The following SGPP1 variants were observed in gnomAD, a reference collection of about 807,000 sequenced individuals.
The protein encoded by SGPP1 is hSPP1.
SGPP1 carries 21 observed loss-of-function variants against 33.0 expected under a neutral mutation model. That is an observed-to-expected ratio of 0.64 (90% confidence interval 0.45 to 0.92). SGPP1 has a LOEUF of 0.92. Among genes scored for constraint, SGPP1 ranks in the 40% least tolerant of loss-of-function variants. The probability of loss-of-function intolerance (pLI) is 0.00; values close to 1 mark genes in which losing one functional copy is unlikely to be tolerated. For missense variants in SGPP1, 543 were observed against 589.4 expected (o/e 0.92, Z 0.81); for synonymous variants, 239 against 241.2 (o/e 0.99, Z 0.08).
intron 2 of SGPP1, among the ~76,000 whole-genome samples, chr14:63,695,728 T>C (rs748302254): frequency 2.6e-5 from 4 of 152,048 alleles, no homozygotes; most frequent in Admixed American, 6.6e-5. Flanking sequence ...CTGGGCAGCA[T>C]AGCTAGACCC....
chr14:63,720,122 C>T (rs1308942503), intron 1 of SGPP1, among the ~76,000 whole-genome samples: 1 of 125,190 alleles, frequency 8.0e-6, no homozygotes, highest in South Asian at 2.5e-4. Flanking sequence ...GAGCCTGCAT[C>T]TCACAAAAAA....
intron 2 of SGPP1, among the ~76,000 whole-genome samples, chr14:63,697,732 A>G (rs1394530018): frequency 6.6e-6 from 1 of 152,232 alleles, no homozygotes; most frequent in Non-Finnish European, 1.5e-5. Flanking sequence ...TGAAGAATGA[A>G]TGGGATAGTT....
At chr14:63,697,711 A>G (rs560468785) in intron 2 of SGPP1, among the ~76,000 whole-genome samples, 11 of 152,358 alleles carry the variant, frequency 7.2e-5, no homozygotes, top group African/African-American at 1.7e-4. Context: ...AAGAATATCT[A>G]TAGTGAGTCT....
rs536875970 is a variant in SGPP1 at position 63,714,975 on chromosome 14, A to G, written c.684+12286T>C. On this transcript the variant is annotated intron_variant, in intron 1 of 2. Transcript: ENST00000247225. Reference sequence around the variant, plus strand: ...TGAGCTGAAGAGATCCTCCTGCCTCAGCCTCCTAAAGTGCTGGGATTACAG... The same window carrying G: ...TGAGCTGAAGAGATCCTCCTGCCTCGGCCTCCTAAAGTGCTGGGATTACAG... 4.7e-5 allele frequency among the ~76,000 whole-genome samples: 7 copies of G among 148,602 alleles called. No homozygotes were observed. The South Asian group carries it at 1.5e-3, about 32-fold the overall frequency.
intron 2 of SGPP1, among the ~76,000 whole-genome samples, chr14:63,697,739 A>C (rs1885214814): frequency 6.6e-6 from 1 of 152,242 alleles, no homozygotes; most frequent in African/African-American, 2.4e-5. Context: ...TGAATGGGAT[A>C]GTTAAGGTAA....
chr14:63,727,795 G>C lies in SGPP1; in HGVS notation c.150C>G (p.Ala50=), dbSNP rs1468547267. Reference sequence around the variant, plus strand: ...GCCGCCCTCGCAGTCGAGGGTCTCCGGCGAGAGGCGCCTCCGCTTTCTCAT... The same window carrying C: ...GCCGCCCTCGCAGTCGAGGGTCTCCCGCGAGAGGCGCCTCCGCTTTCTCAT... ...REDEKAEAPL[A]GDPRLRGRQP... Residue 50 remains alanine, a synonymous_variant, in exon 1 of 3, where the codon GCC becomes GCG. Coordinates refer to ENST00000247225, the MANE Select transcript of SGPP1 (RefSeq NM_030791.4). The C allele has an allele frequency of 1.3e-6, 2 of 1,505,298 alleles. No individual in the cohort carries two copies. The highest frequency in any genetic ancestry group is 1.8e-6 in the Non-Finnish European group (2 of 1,133,588). 93.2% of individuals were successfully genotyped at this position (1,505,298 alleles called of 1,614,324 possible).
intron 2 of SGPP1, among the ~76,000 whole-genome samples, chr14:63,688,460 G>A (rs1393831405): frequency 1.3e-5 from 2 of 151,906 alleles, no homozygotes; most frequent in East Asian, 3.9e-4. Context: ...GTGTAGACTT[G>A]ATAGAAGATG....
chr14:63,692,422 T>C lies in SGPP1; in HGVS notation c.775-5766A>G, dbSNP rs189373099. On this transcript the variant is annotated intron_variant, in intron 2 of 2. Coordinates refer to ENST00000247225, the MANE Select transcript of SGPP1 (RefSeq NM_030791.4). ...CATTTTGAGAATCAGAAATTAAATATTGGGAGTGAAGAGAAACTAAATGTT... is the reference window on the plus strand; with the variant it reads ...CATTTTGAGAATCAGAAATTAAATACTGGGAGTGAAGAGAAACTAAATGTT... 3.3e-3 allele frequency among the ~76,000 whole-genome samples: 499 copies of C among 152,220 alleles called. 1 individual carries two copies. Among genetic ancestry groups the C allele is most frequent in the African/African-American group, 0.011 (477 of 41,522 alleles).
intron 1 of SGPP1, among the ~76,000 whole-genome samples, chr14:63,719,936 G>A: frequency 6.8e-6 from 1 of 146,668 alleles, no homozygotes; most frequent in Non-Finnish European, 1.5e-5. Flanking sequence ...CCAATACGGT[G>A]AAACCCCATC....
chr14:63,723,158 T>C (rs1360107868), intron 1 of SGPP1, among the ~76,000 whole-genome samples: 1 of 152,178 alleles, frequency 6.6e-6, no homozygotes, highest in African/African-American at 2.4e-5. Context: ...ATATTGTTTA[T>C]CTTATTCTTC....
In SGPP1 at chr14:63,686,194, G is replaced by A; in HGVS notation, c.1237C>T (p.Leu413Phe). ...RKARQHMEVE[L>F]PYRYITYGMV... is the part of the protein sequence containing the mutation. The stretch of plus-strand genomic sequence containing the variant: ...CCATAGGTAATATACCGATAAGGAA[G>A]TTCAACTTCCATGTGCTGTCTTGCT... Residue 413 changes from leucine to phenylalanine, a missense_variant, in exon 3 of 3, where the codon CTT becomes TTT. Transcript: ENST00000247225. 6.2e-7 allele frequency: 1 copy of A among 1,614,040 alleles called. No individual in the cohort carries two copies. The highest frequency in any genetic ancestry group is 1.7e-4 in the Middle Eastern group (1 of 6,052).
intron 1 of SGPP1, among the ~76,000 whole-genome samples, chr14:63,701,962 A>T (rs1885308856): frequency 6.6e-6 from 1 of 151,648 alleles, no homozygotes; most frequent in Non-Finnish European, 1.5e-5. Context: ...AAAAAAAAAA[A>T]AGTCAACTTT....
chr14:63,690,558 C>T (rs1885073422), intron 2 of SGPP1, among the ~76,000 whole-genome samples: 1 of 152,154 alleles, frequency 6.6e-6, no homozygotes, highest in Non-Finnish European at 1.5e-5. Context: ...ATGTTTTGTT[C>T]AACCTCAAAT....
intron 2 of SGPP1, among the ~76,000 whole-genome samples, chr14:63,687,193 C>A (rs952048196): frequency 3.9e-5 from 6 of 152,098 alleles, no homozygotes; most frequent in Non-Finnish European, 8.8e-5. Flanking sequence ...GTAATCCCAT[C>A]CCTTTGGGAG....
At chr14:63,725,817 A>G (rs572587618) in intron 1 of SGPP1, among the ~76,000 whole-genome samples, 60 of 152,202 alleles carry the variant, frequency 3.9e-4, no homozygotes, top group Non-Finnish European at 7.8e-4. Flanking sequence ...GGCATCATAA[A>G]AGGCTCTATT....
intron 1 of SGPP1, among the ~76,000 whole-genome samples, chr14:63,705,041 C>A (rs934730211): frequency 1.3e-5 from 2 of 151,484 alleles, no homozygotes; most frequent in Non-Finnish European, 2.9e-5. Flanking sequence ...GTGGGAGACT[C>A]GCTTGAACCC....
At chr14:63,688,159 T>C (rs547218145) in intron 2 of SGPP1, among the ~76,000 whole-genome samples, 2 of 148,544 alleles carry the variant, frequency 1.3e-5, no homozygotes, top group South Asian at 4.3e-4. Context: ...CATACATACA[T>C]ACAAAAATTA....
chr14:63,694,249 G>A (rs1885144416), intron 2 of SGPP1, among the ~76,000 whole-genome samples: 1 of 151,702 alleles, frequency 6.6e-6, no homozygotes, highest in Non-Finnish European at 1.5e-5. Context: ...ACTCCAGCCT[G>A]GGTAACAGAA....
At chr14:63,722,535 A>C (rs1885793615) in intron 1 of SGPP1, among the ~76,000 whole-genome samples, 1 of 150,582 alleles carries the variant, frequency 6.6e-6, no homozygotes, top group African/African-American at 2.5e-5. Flanking sequence ...CATCTCAAAA[A>C]ATAAAAAATA....
Sources: allele counts gnomAD v4.1 joint callset (sites outside exome capture counted in the v4.1 genomes callset), GRCh38; gene constraint gnomAD v4.1.1; transcripts MANE v1.5; gene names NCBI Gene and HGNC (gene_info 2026-07-23, HGNC 2026-07-21).